Variants in SV2C observed in about 807,000 individuals in gnomAD.
The protein encoded by SV2C is synaptic vesicle glycoprotein 2C.
SV2C carries 49 observed loss-of-function variants against 79.7 expected under a neutral mutation model. The observed-to-expected ratio is 0.61, with a 90% CI of 0.49 to 0.78. SV2C has a LOEUF of 0.78. SV2C is among the 30% of genes least tolerant of loss of function. The pLI is 0.00. For synonymous variants in SV2C, 334 were observed against 333.2 expected (o/e 1.00, Z -0.03); for missense variants, 833 against 912.9 (o/e 0.91, Z 1.13).
chr5:75,936,441 A>T, the SV2C span, among the ~76,000 whole-genome samples: 1 of 152,272 alleles, frequency 6.6e-6, no homozygotes, highest in African/African-American at 2.4e-5. Context: ...TGTGAAATTA[A>T]TTTCCAACTA....
chr5:75,877,498 TG>T, the SV2C span, among the ~76,000 whole-genome samples: 1 of 151,912 alleles, frequency 6.6e-6, no homozygotes, highest in Non-Finnish European at 1.5e-5. Context: ...CTCCAGGATA[TG>T]CCATATGTTG....
At chr5:76,176,901 G>T (rs1473697988) in intron 2 of SV2C, among the ~76,000 whole-genome samples, 1 of 152,122 alleles carries the variant, frequency 6.6e-6, no homozygotes, top group Non-Finnish European at 1.5e-5. Context: ...GGATCACAAG[G>T]TCAGGAGATC....
the SV2C span, among the ~76,000 whole-genome samples, chr5:75,850,806 GA>G: frequency 6.6e-6 from 1 of 152,168 alleles, no homozygotes; most frequent in Admixed American, 6.5e-5. Flanking sequence ...GGATTTTATA[GA>G]ATGGTGCTGT....
chr5:76,306,362 G>T (rs549770775), intron 12 of SV2C, among the ~76,000 whole-genome samples: 3 of 152,266 alleles, frequency 2.0e-5, no homozygotes, highest in African/African-American at 2.4e-5. Context: ...GGCTCCAAAA[G>T]ATACTCTTAT....
chr5:76,234,432 A>C (rs1745546169), intron 4 of SV2C, among the ~76,000 whole-genome samples: 1 of 152,244 alleles, frequency 6.6e-6, no homozygotes, highest in Admixed American at 6.5e-5. Context: ...GATCTTATAC[A>C]AAAGATCTGG....
rs537830623 is a variant in SV2C, at chr5:76,330,612, C to T, written c.*5065C>T. The stretch of plus-strand genomic sequence containing the variant: ...TTTCCACATTTAAAACAAATAATAG[C>T]CTTCAGCAGGCAGTGCAGGAACTAT... On this transcript the variant is annotated 3_prime_UTR_variant, in exon 13 of 13. Coordinates refer to ENST00000502798, the MANE Select transcript of SV2C (RefSeq NM_014979.4). 4 of 146,888 alleles carry T rather than the reference C, an allele frequency of 2.7e-5. No individual in the cohort carries two copies. The South Asian group carries it at 6.4e-4, about 24-fold the overall frequency. The allele number at this position is 146,888 out of a possible 1,614,324, so 9.1% of individuals were successfully genotyped here.
chr5:76,008,025 T>C, the SV2C span, among the ~76,000 whole-genome samples: 25 of 152,296 alleles, frequency 1.6e-4, no homozygotes, highest in East Asian at 4.6e-3. Context: ...TCCATTTGCC[T>C]CATTCCGTGA....
At chr5:75,894,730 A>G in the SV2C span, among the ~76,000 whole-genome samples, 11 of 152,146 alleles carry the variant, frequency 7.2e-5, no homozygotes, top group African/African-American at 1.4e-4. Context: ...AGCCCAATCA[A>G]AAAGCTTAAA....
At chr5:76,197,730 A>ATAGATAGATAGATAGATAGT (rs1744314429) in intron 3 of SV2C, among the ~76,000 whole-genome samples, 2 of 152,176 alleles carry the variant, frequency 1.3e-5, no homozygotes, top group Non-Finnish European at 1.5e-5. Context: ...AGATAGATAG[A>ATAGATAGATAGATAGATAGT]TAGATATGAG....
At chr5:76,139,293 G>A (rs78162992) in intron 2 of SV2C, among the ~76,000 whole-genome samples, 2,542 of 152,180 alleles carry the variant, frequency 0.017, 78 homozygotes, top group African/African-American at 0.058. Flanking sequence ...CTCTATTGTA[G>A]GGAAAGATGC....
At chr5:75,856,897 C>G in the SV2C span, among the ~76,000 whole-genome samples, 1 of 151,264 alleles carries the variant, frequency 6.6e-6, no homozygotes. Context: ...GAGGTTTTCC[C>G]AATGTTTTCT....
chr5:75,986,201 G>A, the SV2C span, among the ~76,000 whole-genome samples: 1 of 151,352 alleles, frequency 6.6e-6, no homozygotes, highest in African/African-American at 2.4e-5. Context: ...GTATGCTAAA[G>A]GAACTTTGCA....
chr5:76,312,825 A>AAT (rs1748498781), intron 12 of SV2C, among the ~76,000 whole-genome samples: 1 of 152,170 alleles, frequency 6.6e-6, no homozygotes, highest in Non-Finnish European at 1.5e-5. Flanking sequence ...ACACCTGCCG[A>AAT]TCCCTGAGAG....
At chr5:75,954,419 G>A in the SV2C span, among the ~76,000 whole-genome samples, 1 of 151,810 alleles carries the variant, frequency 6.6e-6, no homozygotes, top group Admixed American at 6.6e-5. Flanking sequence ...AATTTATTGA[G>A]AGTTTTTAGC....
At chr5:76,060,894 C>G in the SV2C span, among the ~76,000 whole-genome samples, 1 of 151,994 alleles carries the variant, frequency 6.6e-6, no homozygotes, top group Non-Finnish European at 1.5e-5. Context: ...CTCTTTCTTT[C>G]ACTTGAACAT....
chr5:76,207,038 G>A (rs936444048), intron 3 of SV2C, among the ~76,000 whole-genome samples: 1 of 151,996 alleles, frequency 6.6e-6, no homozygotes, highest in Non-Finnish European at 1.5e-5. Flanking sequence ...TGCAAAAGAG[G>A]CATTGAATAA....
In SV2C at chr5:76,233,112, T is replaced by A. The variant is rs1267634476; in HGVS notation, c.913+23225T>A. Among the ~76,000 whole-genome samples the A allele has an allele frequency of 1.4e-5, 2 of 140,956 alleles. 1 individual carries two copies. Among genetic ancestry groups the A allele is most frequent in the African/African-American group, 6.4e-5 (2 of 31,252 alleles). The allele number at this position is 140,956 out of a possible 152,430, so 92.5% of individuals were successfully genotyped here. On this transcript the variant is annotated intron_variant, in intron 4 of 12. Coordinates refer to ENST00000502798, the MANE Select transcript of SV2C (RefSeq NM_014979.4). ...CATTTGTTTGTATCCTCTTTTATTT[T>A]GTTGAGCAGTGGTTTGTAGTTCTCC... is the stretch of plus-strand genomic sequence containing the variant.
intron 6 of SV2C, 107 bp downstream of exon 6, chr5:76,285,977 C>A: frequency 1.1e-6 from 1 of 908,074 alleles, no homozygotes; most frequent in Non-Finnish European, 1.7e-6. Flanking sequence ...CGGTCTTTGA[C>A]ACAGCTACTC....
At chr5:76,266,354 C>T (rs914751578) in intron 4 of SV2C, among the ~76,000 whole-genome samples, 6 of 152,076 alleles carry the variant, frequency 3.9e-5, no homozygotes, top group Non-Finnish European at 5.9e-5. Context: ...ACTACAAGCA[C>T]GTGCCACCAC....
Sources: gnomAD v4.1 joint callset for allele counts (sites outside exome capture counted in the v4.1 genomes callset) on GRCh38, gnomAD v4.1.1 for gene constraint, MANE v1.5 for transcripts, NCBI Gene and HGNC (gene_info 2026-07-23, HGNC 2026-07-21) for gene names.